Variants in PODNL1 observed in about 807,000 individuals in gnomAD.
PODNL1 encodes podocan-like protein 1.
Under a neutral mutation model 45.1 loss-of-function variants are expected in PODNL1, and 50 were observed. The ratio of observed to expected loss-of-function variants is 1.11; its 90% CI spans 0.88 to 1.40. The LOEUF is 1.40. Among genes scored for constraint, PODNL1 ranks in the 40% most tolerant of loss-of-function variants. The probability of loss-of-function intolerance (pLI) is 0.00; values close to 1 mark genes in which losing one functional copy is unlikely to be tolerated. For missense variants in PODNL1, 788 were observed against 793.3 expected, an observed-to-expected ratio of 0.99 and a Z score of 0.08; for synonymous variants, 406 against 372.5, an observed-to-expected ratio of 1.09 and a Z score of -1.04.
At chr19:13,952,503 G>C in intron 1 of PODNL1, 1 of 1,250,812 alleles carries the variant, frequency 8.0e-7, no homozygotes, top group Non-Finnish European at 1.0e-6. Flanking sequence ...AGTGGAGGGA[G>C]GGGGTGAAAA....
rs2145414446 is a variant in PODNL1, at chr19:13,933,716, TG to T, written c.767+161del. Among the ~76,000 whole-genome samples, 1 of 152,160 alleles carries T rather than the reference TG, an allele frequency of 6.6e-6. No individual in the cohort carries two copies. The highest frequency in any genetic ancestry group is 6.5e-5 in the Admixed American group (1 of 15,280). The stretch of plus-strand genomic sequence containing the variant: ...GACTTACGATGTCAGTGCAGGGCTG[TG>T]GGGAACAGGGACACCTACCCAGTGC... On this transcript the variant is annotated intron_variant, in intron 7 of 9. Transcript: ENST00000588872. This position sits in a 1 kb window ranked among gnomAD's most constrained non-coding sequence, Gnocchi z 5.2.
intron 1 of PODNL1, chr19:13,952,560 C>T (rs779122958): frequency 4.8e-6 from 6 of 1,262,740 alleles, no homozygotes; most frequent in Non-Finnish European, 6.0e-6. Context: ...CTGGGAGCGG[C>T]GGCGGCGGCC....
chr19:13,952,309 C>T (rs1027103945), intron 1 of PODNL1, among the ~76,000 whole-genome samples: 2 of 152,218 alleles, frequency 1.3e-5, no homozygotes, highest in African/African-American at 4.8e-5. Flanking sequence ...GTCCTTAAGG[C>T]GGGGCGGGAA....
At chr19:13,938,765 C>A (rs1012824899), upstream of PODNL1, among the ~76,000 whole-genome samples, 2 of 152,094 alleles carry the variant, frequency 1.3e-5, no homozygotes, top group African/African-American at 2.4e-5. Flanking sequence ...CTCCTCCCCC[C>A]GCAAATGGCC....
Position 13,933,773 on chromosome 19 carries a change from A to G in PODNL1, c.767+105T>C. 1.0e-6 allele frequency: 1 copy of G among 992,552 alleles called. No homozygotes were observed. The allele number at this position is 992,552 out of a possible 1,614,324, so 61.5% of individuals were successfully genotyped here. A position where few individuals can be genotyped will look rare whatever the true frequency, so the allele number is the denominator to read the frequency against. On this transcript the variant is annotated intron_variant, in intron 7 of 9. Coordinates refer to ENST00000588872, the MANE Select transcript of PODNL1 (RefSeq NM_001370095.3). The surrounding 1 kb of genome is among the most constrained non-coding windows in gnomAD (Gnocchi z 5.2). ...CGAGCCCAGTGAGCAGCAGGCACTC[A>G]GTAAATGAGGCCGTGGCTTAGGAGC... is the stretch of plus-strand genomic sequence containing the variant.
intron 3 of PODNL1, 53 bp from the exon 4 acceptor site, chr19:13,936,097 G>T: frequency 6.9e-7 from 1 of 1,452,172 alleles, no homozygotes; most frequent in South Asian, 1.2e-5. Context: ...TGGGTGGAGG[G>T]GGAGTCTGGG....
chr19:13,935,760 T>C lies in PODNL1; in HGVS notation c.455A>G (p.Glu152Gly), dbSNP rs1972300341. The C allele has an allele frequency of 1.3e-6, 2 of 1,594,492 alleles. No individual in the cohort carries two copies. The highest frequency in any genetic ancestry group is 8.5e-7 in the Non-Finnish European group (1 of 1,173,814). The change falls in exon 5 of 10, where the codon GAG becomes GGG. Residue 152 changes from glutamate to glycine, a missense_variant. Around this residue, in one of 3 missense-constraint regions of PODNL1, gnomAD observed 762 missense variants for 750.9 expected, o/e 1.01. Coordinates refer to ENST00000588872, the MANE Select transcript of PODNL1 (RefSeq NM_001370095.3). ...CTCCCCAAAGGTGAGGGGGAAGATCTCCATCACTTGGTTGGCAGCCAGATC... is the reference window on the plus strand; with the variant it reads ...CTCCCCAAAGGTGAGGGGGAAGATCCCCATCACTTGGTTGGCAGCCAGATC... ...VADLAANQVM[E>G]IFPLTFGEKP...
chr19:13,938,554 A>T, upstream of PODNL1: 1 of 828,476 alleles, frequency 1.2e-6, no homozygotes, highest in Non-Finnish European at 1.5e-6. Context: ...CGACCGCAGG[A>T]GTAGGGGTGG....
intron 1 of PODNL1, among the ~76,000 whole-genome samples, chr19:13,950,720 A>T (rs1449669017): frequency 1.3e-5 from 2 of 152,114 alleles, no homozygotes; most frequent in African/African-American, 4.8e-5. Context: ...GACGTAGGGT[A>T]TGCAAGAAGC....
rs78710526 is a variant in PODNL1, at chr19:13,933,983, A to C, written c.662T>G (p.Ile221Ser). The C allele has an allele frequency of 5.2e-5, 84 of 1,606,030 alleles. No homozygotes were observed. In the East Asian group the frequency reaches 1.9e-3, roughly 36 times the overall value. Residue 221 changes from isoleucine to serine, a missense_variant, in exon 7 of 10, where the codon ATC becomes AGC. Coordinates refer to ENST00000588872, the MANE Select transcript of PODNL1 (RefSeq NM_001370095.3). This position sits in a 1 kb window ranked among gnomAD's most constrained non-coding sequence, Gnocchi z 5.2. The stretch of plus-strand genomic sequence containing the variant: ...CAGGGCTCCTCGGGGCACCTTGGAG[A>C]TGAGATTGTTCTGGAGAAGGAAGAA... ...LERLHLQNNL[I>S]SKVPRGALSR...
chr19:13,946,369 G>A (rs1428906584), intron 1 of PODNL1, among the ~76,000 whole-genome samples: 1 of 151,800 alleles, frequency 6.6e-6, no homozygotes, highest in Non-Finnish European at 1.5e-5. Context: ...GGCAGAGGTT[G>A]CAGTGAGCCA....
intron 1 of PODNL1, among the ~76,000 whole-genome samples, chr19:13,945,723 G>A (rs1042101142): frequency 6.6e-6 from 1 of 151,964 alleles, no homozygotes; most frequent in Non-Finnish European, 1.5e-5. Context: ...CTCACCTTGT[G>A]ATCCACCCAC....
In PODNL1 at chr19:13,936,428, C is replaced by T; in HGVS notation, c.258G>A (p.Glu86=). Reference sequence around the variant, plus strand: ...TTCGCAGGCCACTGAGGCGGGACAGCTCATTGTAGGGGAGTTCCTGGAGCT... The same window carrying T: ...TTCGCAGGCCACTGAGGCGGGACAGTTCATTGTAGGGGAGTTCCTGGAGCT... ...NNQLQELPYN[E]LSRLSGLRTL... The change falls in exon 3 of 10, where the codon GAG becomes GAA. Residue 86 remains glutamate (E), a synonymous_variant. Transcript: ENST00000588872. 1.2e-6 allele frequency: 2 copies of T among 1,613,486 alleles called. No homozygotes were observed. The highest frequency in any genetic ancestry group is 1.1e-5 in the South Asian group (1 of 91,070).
Position 13,931,729 on chromosome 19 carries a change from C to A in PODNL1, c.*8G>T. ...GAGTCTGAGCTGCTCTGCTGGGCCT[C>A]TCTAGGATCAGGGGCCCCCTGCCCG... On this transcript the variant is annotated 3_prime_UTR_variant, in exon 10 of 10. Coordinates refer to ENST00000588872, the MANE Select transcript of PODNL1 (RefSeq NM_001370095.3). 8.1e-7 allele frequency: 1 copy of A among 1,231,826 alleles called. No homozygotes were observed. The highest frequency in any genetic ancestry group is 1.0e-6 in the Non-Finnish European group (1 of 987,936). The allele number at this position is 1,231,826 out of a possible 1,614,324, so 76.3% of individuals were successfully genotyped here.
chr19:13,937,866 G>C lies in PODNL1; in HGVS notation c.144C>G (p.Val48=), dbSNP rs141045214. 2.5e-6 allele frequency: 4 copies of C among 1,589,100 alleles called. No individual in the cohort carries two copies. The African/African-American group carries it at 5.4e-5, about 21-fold the overall frequency. The part of the protein sequence containing the change: ...ACPLRCSCPR[V]DTVDCDGLDL... ...CCAAGCCATCACAGTCCACAGTGTCGACTCGGGGGCAGGAGCAGCGCAGGG... is the reference window on the plus strand; with the variant it reads ...CCAAGCCATCACAGTCCACAGTGTCCACTCGGGGGCAGGAGCAGCGCAGGG... The change falls in exon 2 of 10, where the codon GTC becomes GTG. Residue 48 remains valine (V), a synonymous_variant. Coordinates refer to ENST00000588872, the MANE Select transcript of PODNL1 (RefSeq NM_001370095.3).
chr19:13,935,535 C>T (rs1444434164), intron 5 of PODNL1, among the ~76,000 whole-genome samples, 186 bp downstream of exon 5: 2 of 152,136 alleles, frequency 1.3e-5, no homozygotes, highest in African/African-American at 4.8e-5. Context: ...TCATGTTGGC[C>T]AGGCTGGTCT....
At chr19:13,938,556 TAGGGGTGGGGATGG>T, upstream of PODNL1, 2 of 879,802 alleles carry the variant, frequency 2.3e-6, no homozygotes, top group Non-Finnish European at 2.8e-6. Flanking sequence ...ACCGCAGGAG[TAGGGGTGGGGATGG>T]AGGGATGGGG....
At chr19:13,940,215 A>G (rs1289989943), upstream of PODNL1, among the ~76,000 whole-genome samples, 14 of 151,528 alleles carry the variant, frequency 9.2e-5, no homozygotes, top group East Asian at 1.6e-3. Flanking sequence ...CTCTAAGCCC[A>G]GGAGTTTGAG....
chr19:13,946,206 C>T (rs947493382), intron 1 of PODNL1, among the ~76,000 whole-genome samples: 34 of 151,936 alleles, frequency 2.2e-4, no homozygotes, highest in African/African-American at 7.7e-4. Flanking sequence ...CCGAGGTGGG[C>T]GGATCACGAG....
Sources: gnomAD v4.1 joint callset for allele counts (sites outside exome capture counted in the v4.1 genomes callset) on GRCh38, gnomAD v4.1.1 for gene constraint, gnomAD v4.1.1 regional missense constraint, Gnocchi (gnomAD v3.1) non-coding constraint, MANE v1.5 for transcripts, NCBI Gene and HGNC (gene_info 2026-07-23, HGNC 2026-07-21) for gene names.